AUTS2: variants seen among roughly 807,000 people sequenced by gnomAD.
The protein encoded by AUTS2 is activator of transcription and developmental regulator AUTS2.
In AUTS2, 17 loss-of-function variants were observed where a neutral mutation model predicts 112.4. The observed-to-expected ratio is 0.15, with a 90% CI of 0.10 to 0.23. The LOEUF (loss-of-function observed/expected upper bound fraction) is 0.23, where lower values mean the gene tolerates loss of function less well. Among genes scored for constraint, AUTS2 ranks in the 10% least tolerant of loss-of-function variants. The pLI is 1.00. For synonymous variants in AUTS2, 751 were observed against 702.7 expected (o/e 1.07, Z -1.09); for missense variants, 1,510 against 1,701.6 (o/e 0.89, Z 1.98).
intron 5 of AUTS2, among the ~76,000 whole-genome samples, chr7:70,545,320 G>T (rs1377424072): frequency 6.6e-6 from 1 of 152,236 alleles, no homozygotes; most frequent in Non-Finnish European, 1.5e-5. Flanking sequence ...CTGCGGGCAT[G>T]CTGTAAGGAC....
intron 6 of AUTS2, among the ~76,000 whole-genome samples, chr7:70,732,804 T>C (rs1157560935): frequency 1.3e-5 from 2 of 152,276 alleles, no homozygotes; most frequent in Admixed American, 6.5e-5. Flanking sequence ...AGTAAATTGG[T>C]AATCGTACTG....
chr7:70,691,420 GA>G (rs5884795), intron 5 of AUTS2, among the ~76,000 whole-genome samples: 31,894 of 147,926 alleles, frequency 0.22, 3,531 homozygotes, highest in East Asian at 0.37. Flanking sequence ...ATTTCTCAAG[GA>G]AAAAAAAAAA....
At chr7:69,911,431 A>C (rs1421411440) in intron 2 of AUTS2, among the ~76,000 whole-genome samples, 1 of 151,984 alleles carries the variant, frequency 6.6e-6, no homozygotes, top group Admixed American at 6.6e-5. Context: ...AGCAGGGGGG[A>C]AAGTGTGTTT....
intron 5 of AUTS2, among the ~76,000 whole-genome samples, chr7:70,471,922 G>C (rs1217351682): frequency 6.6e-6 from 1 of 152,088 alleles, no homozygotes; most frequent in Non-Finnish European, 1.5e-5. Flanking sequence ...CAAGCAGGCT[G>C]ACCGGGCCAG....
chr7:70,702,465 G>A (rs4717544), intron 6 of AUTS2, among the ~76,000 whole-genome samples: 3,851 of 152,280 alleles, frequency 0.025, 72 homozygotes, highest in East Asian at 0.065. Flanking sequence ...ATTTTACCCC[G>A]TGACTTTCTC....
chr7:70,673,285 C>A (rs1485657670), intron 5 of AUTS2, among the ~76,000 whole-genome samples: 1 of 152,190 alleles, frequency 6.6e-6, no homozygotes, highest in African/African-American at 2.4e-5. Flanking sequence ...TGCCCACTCT[C>A]TCCTGTTTTA....
At chr7:70,244,941 A>G (rs1238202113) in intron 4 of AUTS2, among the ~76,000 whole-genome samples, 6 of 151,622 alleles carry the variant, frequency 4.0e-5, no homozygotes, top group African/African-American at 1.5e-4. Flanking sequence ...CCAACATGGT[A>G]AAACCCCGTC....
At chr7:70,052,358 A>G (rs1801794150) in intron 2 of AUTS2, among the ~76,000 whole-genome samples, 1 of 152,116 alleles carries the variant, frequency 6.6e-6, no homozygotes, top group Admixed American at 6.5e-5. Flanking sequence ...GCTCCAAGCA[A>G]GATACTGTAT....
intron 5 of AUTS2, among the ~76,000 whole-genome samples, chr7:70,533,371 C>T (rs1465321412): frequency 2.0e-5 from 3 of 152,140 alleles, no homozygotes; most frequent in Non-Finnish European, 4.4e-5. Context: ...ACCTGACCCT[C>T]CCGGAGTGAT....
At chr7:70,259,566 A>G (rs1050954934) in intron 4 of AUTS2, among the ~76,000 whole-genome samples, 5 of 152,188 alleles carry the variant, frequency 3.3e-5, no homozygotes, top group African/African-American at 9.7e-5. Context: ...TTGCCTGTTG[A>G]TGCCCATGCC....
At chr7:70,698,333 G>A (rs1280729895) in intron 5 of AUTS2, among the ~76,000 whole-genome samples, 4 of 152,054 alleles carry the variant, frequency 2.6e-5, no homozygotes. Flanking sequence ...CAGATAATGT[G>A]TCTAATAAGG....
chr7:70,691,710 A>C (rs1808762574), intron 5 of AUTS2, among the ~76,000 whole-genome samples: 2 of 152,152 alleles, frequency 1.3e-5, no homozygotes, highest in South Asian at 4.2e-4. Context: ...CGGGCCAGCC[A>C]GGGGACCCTG....
At chr7:70,729,375 G>T (rs1247930828) in intron 6 of AUTS2, among the ~76,000 whole-genome samples, 1 of 152,140 alleles carries the variant, frequency 6.6e-6, no homozygotes, top group Non-Finnish European at 1.5e-5. Context: ...TTCCCCAGGG[G>T]TCTCCTCCTT....
chr7:70,308,687 C>T (rs1474330183), intron 4 of AUTS2, among the ~76,000 whole-genome samples: 1 of 152,146 alleles, frequency 6.6e-6, no homozygotes, highest in South Asian at 2.1e-4. Flanking sequence ...ATAGGTATTA[C>T]CTATGCTTTA....
At chr7:70,529,192 C>G (rs1006140220) in intron 5 of AUTS2, among the ~76,000 whole-genome samples, 1 of 152,210 alleles carries the variant, frequency 6.6e-6, no homozygotes, top group Non-Finnish European at 1.5e-5. Context: ...CTTTGCAATT[C>G]TCTCCAAATT....
At chr7:70,449,095 A>T (rs1217828393) in intron 5 of AUTS2, among the ~76,000 whole-genome samples, 1 of 152,262 alleles carries the variant, frequency 6.6e-6, no homozygotes, top group African/African-American at 2.4e-5. Flanking sequence ...TGGAATTTAA[A>T]TGTGTTAAAA....
chr7:70,464,718 G>A lies in AUTS2; in HGVS notation c.690+28937G>A, dbSNP rs180710585. ...GGTAGTTGGAATGGTAATCAGCACG[G>A]TTTTGTGGAAAAGGAGTGCATTTCT... On this transcript the variant is annotated intron_variant, in intron 5 of 18. Transcript: ENST00000342771. Among the ~76,000 whole-genome samples the A allele has an allele frequency of 2.0e-5, 3 of 152,352 alleles. No individual in the cohort carries two copies. In the East Asian group the frequency reaches 5.8e-4, roughly 29 times the overall value.
At chr7:70,512,446 G>A (rs1799235541) in intron 5 of AUTS2, among the ~76,000 whole-genome samples, 1 of 152,272 alleles carries the variant, frequency 6.6e-6, no homozygotes, top group South Asian at 2.1e-4. Flanking sequence ...CAGAAGCAAG[G>A]AAGGAGGTAA....
chr7:69,903,442 G>A (rs1009807820), intron 2 of AUTS2, among the ~76,000 whole-genome samples: 1 of 152,176 alleles, frequency 6.6e-6, no homozygotes, highest in Non-Finnish European at 1.5e-5. Context: ...GAGTACCAAT[G>A]ATGAAAAGTT....
Sources: gnomAD v4.1 joint callset for allele counts (sites outside exome capture counted in the v4.1 genomes callset) on GRCh38, gnomAD v4.1.1 for gene constraint, MANE v1.5 for transcripts, NCBI Gene and HGNC (gene_info 2026-07-23, HGNC 2026-07-21) for gene names.